PHF12: variants seen among roughly 807,000 people sequenced by gnomAD.
The protein encoded by PHF12 is PHD factor 1.
Under a neutral mutation model 99.8 loss-of-function variants are expected in PHF12, and 6 were observed. The ratio of observed to expected loss-of-function variants is 0.06; its 90% CI spans 0.03 to 0.12. PHF12 has a LOEUF of 0.12. Among genes scored for constraint, PHF12 ranks in the 10% least tolerant of loss-of-function variants. The probability of loss-of-function intolerance (pLI) is 1.00; values close to 1 mark genes in which losing one functional copy is unlikely to be tolerated. For synonymous variants in PHF12, 480 were observed against 514.9 expected, an observed-to-expected ratio of 0.93 and a Z score of 0.92; for missense variants, 954 against 1,300.1, an observed-to-expected ratio of 0.73 and a Z score of 4.09.
In PHF12 at chr17:28,951,245, C is replaced by T. The variant is rs901409497; in HGVS notation, c.-285G>A. 25 of 1,295,612 alleles carry T rather than the reference C, an allele frequency of 1.9e-5. No homozygotes were observed. Among genetic ancestry groups the T allele is most frequent in the Non-Finnish European group, 1.9e-5 (19 of 1,018,324 alleles). The allele number at this position is 1,295,612 out of a possible 1,614,324, so 80.3% of individuals were successfully genotyped here. A position where few individuals can be genotyped will look rare whatever the true frequency, so the allele number is the denominator to read the frequency against. On this transcript the variant is annotated 5_prime_UTR_variant, in exon 1 of 15. Coordinates refer to ENST00000332830, the MANE Select transcript of PHF12 (RefSeq NM_001033561.2). ...GGTCAGGCCTCGGCGGGGCCTAGTC[C>T]CACAGGCTAAAGCCGGCACTGGCGA...
intron 3 of PHF12, chr17:28,926,750 G>A: frequency 6.8e-7 from 1 of 1,466,730 alleles, no homozygotes; most frequent in Non-Finnish European, 9.1e-7. Context: ...CCTGTCACTA[G>A]TGACTAAACA....
At chr17:28,933,014 AC>A (rs1459199956) in intron 2 of PHF12, among the ~76,000 whole-genome samples, 2 of 152,178 alleles carry the variant, frequency 1.3e-5, no homozygotes, top group African/African-American at 4.8e-5. Flanking sequence ...AACTCTGAAA[AC>A]AATTACATGC....
At chr17:28,926,184 TA>T (rs1167192219) in intron 3 of PHF12, 1 of 153,722 alleles carries the variant, frequency 6.5e-6, no homozygotes, top group Non-Finnish European at 1.5e-5. Context: ...GTTACACACA[TA>T]AACCACAATC....
intron 11 of PHF12, 85 bp from the exon 12 acceptor site, chr17:28,908,966 C>T: frequency 2.3e-6 from 3 of 1,279,638 alleles, no homozygotes; most frequent in East Asian, 2.5e-5. Context: ...GGACCTTTGG[C>T]TCATGGCCTG....
chr17:28,905,864 G>A lies in PHF12; in HGVS notation c.*319C>T, dbSNP rs1401609106. On this transcript the variant is annotated 3_prime_UTR_variant, in exon 15 of 15. Transcript: ENST00000332830. ...GGCGAGGGGGAGGGAGCAGGAGGTG[G>A]GTGGGGAAGGGTTTTGTGTTGGAGG... 4.7e-5 allele frequency: 12 copies of A among 257,332 alleles called. No homozygotes were observed. Among genetic ancestry groups the A allele is most frequent in the Non-Finnish European group, 8.8e-5 (12 of 137,136 alleles). 15.9% of individuals were successfully genotyped at this position (257,332 alleles called of 1,614,324 possible). A position where few individuals can be genotyped will look rare whatever the true frequency, so the allele number is the denominator to read the frequency against.
rs568376683 is a variant in PHF12 at position 28,947,447 on chromosome 17, G to A, written c.248+2618C>T. 1.1e-4 allele frequency among the ~76,000 whole-genome samples: 16 copies of A among 151,916 alleles called. No homozygotes were observed. In the South Asian group the frequency reaches 1.7e-3, roughly 16 times the overall value. On this transcript the variant is annotated intron_variant, in intron 2 of 14. Transcript: ENST00000332830. ...ACAAAAATTAGCTGGGTGTGGTGGC[G>A]GGCACCTATAATCCCAGCTACTTGG...
chr17:28,917,517 T>C, intron 6 of PHF12, 68 bp from the exon 7 acceptor site: 1 of 1,495,410 alleles, frequency 6.7e-7, no homozygotes, highest in Non-Finnish European at 9.0e-7. Flanking sequence ...GTTAACCCCA[T>C]TCCCTGTGTT....
chr17:28,932,932 G>C (rs903699124), intron 2 of PHF12, among the ~76,000 whole-genome samples: 6 of 152,064 alleles, frequency 3.9e-5, no homozygotes, highest in Admixed American at 3.9e-4. Flanking sequence ...GGTGACAGGA[G>C]ATTCTTCCCA....
intron 3 of PHF12, chr17:28,924,601 T>C (rs2040232398): frequency 2.3e-6 from 1 of 431,642 alleles, no homozygotes. Context: ...CTATAAAGTA[T>C]AGGGTAAAGG....
intron 5 of PHF12, among the ~76,000 whole-genome samples, chr17:28,920,772 A>G (rs1055022671): frequency 6.6e-6 from 1 of 152,220 alleles, no homozygotes; most frequent in East Asian, 1.9e-4. Flanking sequence ...CATGTTGACC[A>G]GGATGGTCTT....
At chr17:28,939,569 C>T (rs1431907313) in intron 2 of PHF12, among the ~76,000 whole-genome samples, 1 of 152,216 alleles carries the variant, frequency 6.6e-6, no homozygotes, top group African/African-American at 2.4e-5. Flanking sequence ...CTCAGCTGAT[C>T]ACAGGAGCCT....
rs747979275 is a variant in PHF12, at chr17:28,919,155, G to C, written c.957C>G (p.Ile319Met). 1.2e-6 allele frequency: 2 copies of C among 1,613,994 alleles called. No homozygotes were observed. The highest frequency in any genetic ancestry group is 2.2e-5 in the South Asian group (2 of 91,062). The change falls in exon 6 of 15, where the codon ATC becomes ATG. Residue 319 changes from isoleucine to methionine, a missense_variant. Physicochemically the swap from Ile to Met is conservative, Grantham distance 10 (BLOSUM62 1). Around this residue, in one of 8 missense-constraint regions of PHF12, gnomAD observed 85 missense variants for 196.6 expected, o/e 0.43. Coordinates refer to ENST00000332830, the MANE Select transcript of PHF12 (RefSeq NM_001033561.2). Reference sequence around the variant, plus strand: ...CTGCTGTGCTTACCACCACATGTTCGATGTGATTCGGACACATCCATCTGC... The same window carrying C: ...CTGCTGTGCTTACCACCACATGTTCCATGTGATTCGGACACATCCATCTGC... ...PLGRWMCPNH[I>M]EHVVLNQKNM...
At chr17:28,911,988 G>A (rs1367994108) in intron 9 of PHF12, among the ~76,000 whole-genome samples, 3 of 152,262 alleles carry the variant, frequency 2.0e-5, no homozygotes, top group Non-Finnish European at 4.4e-5. Flanking sequence ...AGACAGTGCT[G>A]CTGTCTAGCC....
At chr17:28,932,024 C>A (rs2040421695) in intron 2 of PHF12, among the ~76,000 whole-genome samples, 1 of 152,174 alleles carries the variant, frequency 6.6e-6, no homozygotes, top group Non-Finnish European at 1.5e-5. Context: ...ATAGGCATAG[C>A]TGGAACACAA....
At chr17:28,940,273 A>G (rs1444092597) in intron 2 of PHF12, among the ~76,000 whole-genome samples, 7 of 152,228 alleles carry the variant, frequency 4.6e-5, no homozygotes, top group African/African-American at 1.7e-4. Context: ...CTGTAATACC[A>G]CTAGGAATTA....
Position 28,951,488 on chromosome 17 carries a change from C to T in PHF12, c.-528G>A. ...TTACCGCGAGCGCCCGCAAAGCCAC[C>T]CGCGCAGGCGCCCCGGGATCGGCGC... On this transcript the variant is annotated 5_prime_UTR_variant, in exon 1 of 15. Transcript: ENST00000332830. 3.0e-6 allele frequency: 3 copies of T among 985,434 alleles called. No individual in the cohort carries two copies. The highest frequency in any genetic ancestry group is 3.6e-6 in the Non-Finnish European group (3 of 829,910). The allele number at this position is 985,434 out of a possible 1,614,324, so 61.0% of individuals were successfully genotyped here. A position where few individuals can be genotyped will look rare whatever the true frequency, so the allele number is the denominator to read the frequency against.
chr17:28,946,752 G>A (rs1254457486), intron 2 of PHF12, among the ~76,000 whole-genome samples: 1 of 152,130 alleles, frequency 6.6e-6, no homozygotes, highest in Non-Finnish European at 1.5e-5. Flanking sequence ...TGCCTAGACT[G>A]GTCTTGAACT....
At chr17:28,923,825 G>GT in intron 4 of PHF12, 84 bp downstream of exon 4, 1 of 1,456,560 alleles carries the variant, frequency 6.9e-7, no homozygotes, top group Non-Finnish European at 9.2e-7. Context: ...TACATGAACA[G>GT]TGACTCCACA....
rs1431094724 is a variant in PHF12, at chr17:28,950,172, G to A, written c.141C>T (p.Pro47=). 4 of 1,613,814 alleles carry A rather than the reference G, an allele frequency of 2.5e-6. No homozygotes were observed. The highest frequency in any genetic ancestry group is 3.4e-6 in the Non-Finnish European group (4 of 1,179,998). The change falls in exon 2 of 15, where the codon CCC becomes CCT. Residue 47 remains proline (P), a synonymous_variant. Coordinates refer to ENST00000332830, the MANE Select transcript of PHF12 (RefSeq NM_001033561.2). The surrounding 1 kb of genome is among the most constrained non-coding windows in gnomAD (Gnocchi z 5.7). Reference sequence around the variant, plus strand: ...GGTTGGTGGCCCTGCCGCTTCTCCGGGGCTCCTTCTCAGGCTTCCGACTGC... The same window carrying A: ...GGTTGGTGGCCCTGCCGCTTCTCCGAGGCTCCTTCTCAGGCTTCCGACTGC... ...EKRSRKPEKE[P]RRSGRATNHD...
Sources: gnomAD v4.1 joint callset for allele counts (sites outside exome capture counted in the v4.1 genomes callset) on GRCh38, gnomAD v4.1.1 for gene constraint, gnomAD v4.1.1 regional missense constraint, Gnocchi (gnomAD v3.1) non-coding constraint, MANE v1.5 for transcripts, NCBI Gene and HGNC (gene_info 2026-07-23, HGNC 2026-07-21) for gene names.